The following ANO3 variants were observed in gnomAD, a reference collection of about 807,000 sequenced individuals.
The protein encoded by ANO3 is anoctamin-3.
Under a neutral mutation model 144.8 loss-of-function variants are expected in ANO3, and 99 were observed. The observed-to-expected ratio is 0.68, with a 90% CI of 0.58 to 0.81. ANO3 has a LOEUF of 0.81. ANO3 is among the 30% of genes least tolerant of loss of function. The pLI is 0.00. For missense variants in ANO3, 905 were observed against 1,202.2 expected, an observed-to-expected ratio of 0.75 and a Z score of 3.66; for synonymous variants, 414 against 392.6, an observed-to-expected ratio of 1.05 and a Z score of -0.64.
chr11:26,505,992 C>CAAAA (rs56193607), intron 4 of ANO3, among the ~76,000 whole-genome samples: 3 of 78,450 alleles, frequency 3.8e-5, no homozygotes, highest in African/African-American at 1.6e-4. Context: ...GACTCTGTCT[C>CAAAA]AAAAAAAAAA....
intron 1 of ANO3, among the ~76,000 whole-genome samples, chr11:26,384,583 T>C (rs1349768660): frequency 6.6e-6 from 1 of 152,160 alleles, no homozygotes; most frequent in Non-Finnish European, 1.5e-5. Flanking sequence ...TCCTTCTTTT[T>C]CCTTATTTCT....
At chr11:26,390,605 A>G (rs1026070102) in intron 1 of ANO3, among the ~76,000 whole-genome samples, 1 of 152,280 alleles carries the variant, frequency 6.6e-6, no homozygotes, top group African/African-American at 2.4e-5. Context: ...CATAATCATT[A>G]ATAAGGATAT....
intron 1 of ANO3, among the ~76,000 whole-genome samples, chr11:26,333,564 G>A (rs766756744): frequency 3.2e-4 from 49 of 152,134 alleles, no homozygotes; most frequent in Non-Finnish European, 6.2e-4. Context: ...TTACAGGTGT[G>A]AGCCACTGTA....
chr11:26,200,323 T>C (rs67019540), intron 1 of ANO3, among the ~76,000 whole-genome samples: 45,850 of 152,086 alleles, frequency 0.3, 7,665 homozygotes, highest in Non-Finnish European at 0.37. Flanking sequence ...CTGCCTCTTC[T>C]CTTAGAACAC....
chr11:26,433,314 C>T lies in ANO3; in HGVS notation c.47-8604C>T, dbSNP rs939548914. ...GGGTCTGAGACTATGGAGTTTTCTA[C>T]GTATACAATCATGTCATCAGCAGAC... On this transcript the variant is annotated intron_variant, in intron 1 of 26. Transcript: ENST00000256737. 4.6e-5 allele frequency among the ~76,000 whole-genome samples: 7 copies of T among 152,092 alleles called. No homozygotes were observed. In the East Asian group the frequency reaches 1.2e-3, roughly 25 times the overall value.
At chr11:26,419,465 T>C (rs572160251) in intron 1 of ANO3, among the ~76,000 whole-genome samples, 13 of 152,232 alleles carry the variant, frequency 8.5e-5, no homozygotes, top group Admixed American at 5.9e-4. Flanking sequence ...CTACCATGTA[T>C]TGCAATAAAC....
At chr11:26,412,696 C>G (rs1168620210) in intron 1 of ANO3, among the ~76,000 whole-genome samples, 1 of 151,486 alleles carries the variant, frequency 6.6e-6, no homozygotes, top group Non-Finnish European at 1.5e-5. Context: ...AGCTTACACA[C>G]AATAATTGTA....
At chr11:26,641,277 CACTT>C (rs1399456615) in intron 21 of ANO3, among the ~76,000 whole-genome samples, 1 of 152,194 alleles carries the variant, frequency 6.6e-6, no homozygotes, top group Non-Finnish European at 1.5e-5. Context: ...TAATCACTAA[CACTT>C]AGACTCCTCA....
chr11:26,571,218 A>C (rs1480113746), intron 14 of ANO3, among the ~76,000 whole-genome samples: 1 of 152,106 alleles, frequency 6.6e-6, no homozygotes, highest in East Asian at 1.9e-4. Context: ...TCTAGATCAA[A>C]ATTTTCAAGC....
At chr11:26,382,299 A>T (rs1482266231) in intron 1 of ANO3, among the ~76,000 whole-genome samples, 1 of 152,190 alleles carries the variant, frequency 6.6e-6, no homozygotes, top group East Asian at 1.9e-4. Flanking sequence ...ATGAATATGC[A>T]ACCTGATAGT....
intron 26 of ANO3, among the ~76,000 whole-genome samples, chr11:26,660,044 A>G (rs1853830375): frequency 1.3e-5 from 2 of 152,308 alleles, no homozygotes; most frequent in Middle Eastern, 3.4e-3. Flanking sequence ...TGTTGCAGCA[A>G]TAAGAGGAAG....
At chr11:26,234,191 G>A (rs551240842) in intron 1 of ANO3, among the ~76,000 whole-genome samples, 1 of 152,258 alleles carries the variant, frequency 6.6e-6, no homozygotes, top group South Asian at 2.1e-4. Flanking sequence ...TAATAGTTTG[G>A]TAACCATTGC....
chr11:26,247,645 G>A (rs1852826373), intron 1 of ANO3, among the ~76,000 whole-genome samples: 1 of 150,774 alleles, frequency 6.6e-6, no homozygotes, highest in Non-Finnish European at 1.5e-5. Context: ...GTCTCTGTCT[G>A]TGTCATGTGA....
chr11:26,494,169 A>G (rs1860830902), intron 4 of ANO3, among the ~76,000 whole-genome samples: 1 of 151,428 alleles, frequency 6.6e-6, no homozygotes, highest in South Asian at 2.1e-4. Flanking sequence ...TAAAGAGGTG[A>G]TCTGTAGTTT....
At chr11:26,579,603 G>T (rs937120798) in intron 14 of ANO3, among the ~76,000 whole-genome samples, 11 of 152,114 alleles carry the variant, frequency 7.2e-5, no homozygotes, top group African/African-American at 2.4e-4. Flanking sequence ...CTACAGAAAA[G>T]GAACTCAATT....
At position 26,559,875 on chromosome 11, in the gene ANO3, C is replaced by CCATGA. The variant is rs1554969837; in HGVS notation, c.1447+97_1447+101dup. On this transcript the variant is annotated intron_variant, in intron 14 of 26. Transcript: ENST00000256737. ...ACACACACACACACACACACACACA[C>CCATGA]CATGAATCAATTCAAAAATAAAGCC... is the stretch of plus-strand genomic sequence containing the variant. 3 of 786,678 alleles carry CCATGA rather than the reference C, an allele frequency of 3.8e-6. No individual in the cohort carries two copies. The African/African-American group carries it at 5.3e-5, about 14-fold the overall frequency. The allele number at this position is 786,678 out of a possible 1,614,324, so 48.7% of individuals were successfully genotyped here. A position where few individuals can be genotyped will look rare whatever the true frequency, so the allele number is the denominator to read the frequency against.
At chr11:26,536,573 C>T (rs115676123) in intron 9 of ANO3, among the ~76,000 whole-genome samples, 3,578 of 151,700 alleles carry the variant, frequency 0.024, 83 homozygotes, top group Admixed American at 0.076. Flanking sequence ...ATAAATTAGA[C>T]GTACATATAA....
chr11:26,381,196 G>A (rs534231287), intron 1 of ANO3, among the ~76,000 whole-genome samples: 1 of 152,162 alleles, frequency 6.6e-6, no homozygotes, highest in East Asian at 1.9e-4. Context: ...TAACGTATTA[G>A]GTAAATTGCC....
At chr11:26,373,253 C>T (rs1455445600) in intron 1 of ANO3, among the ~76,000 whole-genome samples, 2 of 152,084 alleles carry the variant, frequency 1.3e-5, no homozygotes, top group African/African-American at 2.4e-5. Context: ...CCCTACATGT[C>T]GAGGGAGGAA....
Sources: allele counts gnomAD v4.1 joint callset (sites outside exome capture counted in the v4.1 genomes callset), GRCh38; gene constraint gnomAD v4.1.1; transcripts MANE v1.5; gene names NCBI Gene and HGNC (gene_info 2026-07-23, HGNC 2026-07-21).